The following SHQ1 variants were observed in gnomAD, a reference collection of about 807,000 sequenced individuals.
The protein encoded by SHQ1 is SHQ1, H/ACA ribonucleoprotein assembly factor.
A neutral mutation model predicts 53.8 loss-of-function variants in SHQ1; 49 were observed. The ratio of observed to expected loss-of-function variants is 0.91; its 90% confidence interval spans 0.72 to 1.16. SHQ1 has a LOEUF of 1.16. Ranked by LOEUF, SHQ1 falls within the 50% of genes most tolerant of loss-of-function variation. The probability of loss-of-function intolerance (pLI) is 0.00; values close to 1 mark genes in which losing one functional copy is unlikely to be tolerated. For missense variants in SHQ1, 738 were observed against 683.1 expected (o/e 1.08, Z -0.90); for synonymous variants, 243 against 251.0 (o/e 0.97, Z 0.30).
chr3:72,813,127 T>A (rs1403085146), intron 8 of SHQ1, among the ~76,000 whole-genome samples: 1 of 152,168 alleles, frequency 6.6e-6, no homozygotes, highest in African/African-American at 2.4e-5. Context: ...TTAATATAAT[T>A]TACATTTCAT....
At chr3:72,772,336 TGAG>T (rs1463647688) in intron 10 of SHQ1, among the ~76,000 whole-genome samples, 1 of 151,864 alleles carries the variant, frequency 6.6e-6, no homozygotes, top group Admixed American at 6.6e-5. Context: ...GCTTAGAAGA[TGAG>T]GAGAAAGATG....
In SHQ1 at chr3:72,816,114, G is replaced by A. The variant is rs889257736; in HGVS notation, c.883-711C>T. On this transcript the variant is annotated intron_variant, in intron 7 of 10. Coordinates refer to ENST00000325599, the MANE Select transcript of SHQ1 (RefSeq NM_018130.3). ...AGTCATCTTGGAGTCAGACACAAAT[G>A]TCAAGAGGCACCCTAGAAATTTTCA... 3.9e-5 allele frequency among the ~76,000 whole-genome samples: 6 copies of A among 152,104 alleles called. No individual in the cohort carries two copies. The South Asian group carries it at 1.0e-3, about 26-fold the overall frequency.
chr3:72,821,330 A>C (rs1707472730), intron 6 of SHQ1, among the ~76,000 whole-genome samples: 1 of 152,194 alleles, frequency 6.6e-6, no homozygotes, highest in African/African-American at 2.4e-5. Context: ...CTTCAGATTA[A>C]CCACTGAAAG....
intron 5 of SHQ1, among the ~76,000 whole-genome samples, 191 bp downstream of exon 5, chr3:72,832,178 A>T (rs967455403): frequency 6.6e-6 from 1 of 152,244 alleles, no homozygotes; most frequent in Non-Finnish European, 1.5e-5. Flanking sequence ...TTGAGATATA[A>T]GAGGCAACAT....
Position 72,751,314 on chromosome 3 carries a change from G to C in SHQ1, c.1182-478C>G, listed in dbSNP as rs575109625. 5.9e-5 allele frequency among the ~76,000 whole-genome samples: 9 copies of C among 152,120 alleles called. No individual in the cohort carries two copies. The East Asian group carries it at 9.7e-4, about 16-fold the overall frequency. ...GTAATCCCAGCCACTTGGGTGGAGG[G>C]GGGGCTGAGGCAGGAGAATCACTTG... On this transcript the variant is annotated intron_variant, in intron 10 of 10. Transcript: ENST00000325599.
chr3:72,734,095 G>C, the SHQ1 span, among the ~76,000 whole-genome samples: 1 of 150,944 alleles, frequency 6.6e-6, no homozygotes, highest in Admixed American at 6.6e-5. Flanking sequence ...CAGGAACAGA[G>C]GTTGCAGTGA....
At chr3:72,751,227 A>G (rs1705358085) in intron 10 of SHQ1, among the ~76,000 whole-genome samples, 2 of 152,078 alleles carry the variant, frequency 1.3e-5, no homozygotes, top group Non-Finnish European at 2.9e-5. Context: ...CCTGGCCAAC[A>G]TGGTGAAACC....
At chr3:72,795,444 A>C (rs977254268) in intron 9 of SHQ1, 1 of 152,232 alleles carries the variant, frequency 6.6e-6, no homozygotes, top group Non-Finnish European at 1.5e-5. Context: ...AAATATAATC[A>C]AAATTTGCAG....
chr3:72,818,066 T>C (rs759022374), intron 6 of SHQ1, among the ~76,000 whole-genome samples: 4 of 151,888 alleles, frequency 2.6e-5, no homozygotes, highest in Non-Finnish European at 5.9e-5. Context: ...TACCATTCCA[T>C]AGTTTTCTCT....
chr3:72,768,699 C>T (rs1705785580), intron 10 of SHQ1, among the ~76,000 whole-genome samples: 2 of 152,216 alleles, frequency 1.3e-5, no homozygotes. Flanking sequence ...CACTGCATGG[C>T]CAGCAGTTTT....
At chr3:72,804,440 C>A (rs527588587) in intron 9 of SHQ1, among the ~76,000 whole-genome samples, 26 of 151,650 alleles carry the variant, frequency 1.7e-4, no homozygotes, top group Middle Eastern at 6.8e-3. Flanking sequence ...CCGCCACCCT[C>A]CGAAAGGCCC....
At chr3:72,818,838 G>C (rs571848386) in intron 6 of SHQ1, among the ~76,000 whole-genome samples, 7 of 152,260 alleles carry the variant, frequency 4.6e-5, no homozygotes, top group African/African-American at 1.7e-4. Context: ...ACCTGTAGAG[G>C]CCTCTAAGAT....
chr3:72,811,797 G>A (rs1575712973), intron 9 of SHQ1, among the ~76,000 whole-genome samples: 1 of 152,272 alleles, frequency 6.6e-6, no homozygotes, highest in East Asian at 1.9e-4. Flanking sequence ...GAGGTAGAAG[G>A]AAGAACTTCC....
chr3:72,842,446 A>C (rs777074649), intron 2 of SHQ1, 44 bp from the exon 3 acceptor site: 2 of 1,578,088 alleles, frequency 1.3e-6, no homozygotes, highest in East Asian at 4.6e-5. Context: ...AATATTTAAA[A>C]AGCTGGGCAC....
intron 10 of SHQ1, among the ~76,000 whole-genome samples, chr3:72,767,281 G>T (rs182871694): frequency 6.6e-6 from 1 of 152,336 alleles, no homozygotes; most frequent in South Asian, 2.1e-4. Flanking sequence ...GTTCATCCCT[G>T]ATTAGCCAGA....
Position 72,755,016 on chromosome 3 carries a change from C to T in SHQ1, c.1182-4180G>A, listed in dbSNP as rs372978131. ...TTATAACAGTAGAAATGTGGAATTC[C>T]AAAGCTCCTCCCCTAGAATCCTGGC... is the stretch of plus-strand genomic sequence containing the variant. On this transcript the variant is annotated intron_variant, in intron 10 of 10. Transcript: ENST00000325599. Among the ~76,000 whole-genome samples the T allele has an allele frequency of 1.4e-4, 21 of 152,134 alleles. No homozygotes were observed. The East Asian group carries it at 3.9e-3, about 28-fold the overall frequency.
intron 9 of SHQ1, among the ~76,000 whole-genome samples, chr3:72,807,970 G>A (rs1312549746): frequency 1.3e-5 from 2 of 152,148 alleles, no homozygotes; most frequent in Non-Finnish European, 2.9e-5. Context: ...CTACCTGCTA[G>A]GTAGCTACTA....
chr3:72,735,995 CA>C, the SHQ1 span, among the ~76,000 whole-genome samples: 1 of 152,186 alleles, frequency 6.6e-6, no homozygotes, highest in African/African-American at 2.4e-5. Flanking sequence ...CAAAGATAAT[CA>C]TCCTCTGAAT....
At chr3:72,800,949 A>G (rs1706768229) in intron 9 of SHQ1, among the ~76,000 whole-genome samples, 1 of 152,216 alleles carries the variant, frequency 6.6e-6, no homozygotes, top group Admixed American at 6.5e-5. Context: ...CAATCCCTGC[A>G]AGATGTGCCA....
Sources: gnomAD v4.1 joint callset for allele counts (sites outside exome capture counted in the v4.1 genomes callset) on GRCh38, gnomAD v4.1.1 for gene constraint, MANE v1.5 for transcripts, NCBI Gene and HGNC (gene_info 2026-07-23, HGNC 2026-07-21) for gene names.